The following GLIS2 variants were observed in gnomAD, a reference collection of about 807,000 sequenced individuals.
GLIS2 encodes the protein GLIS family zinc finger 2.
In GLIS2, 14 loss-of-function variants were observed where a neutral mutation model predicts 35.6. The ratio of observed to expected loss-of-function variants is 0.39; its 90% CI spans 0.26 to 0.61. The LOEUF (loss-of-function observed/expected upper bound fraction) is 0.61. Ranked by LOEUF, GLIS2 falls within the 20% of genes least tolerant of loss-of-function variation. GLIS2 has a pLI of 0.48. For synonymous variants in GLIS2, 368 were observed against 325.1 expected (o/e 1.13, Z -1.42); for missense variants, 675 against 713.4 (o/e 0.95, Z 0.61).
intron 1 of GLIS2, among the ~76,000 whole-genome samples, chr16:4,316,979 C>T (rs971830080): frequency 1.3e-5 from 2 of 152,176 alleles, no homozygotes; most frequent in African/African-American, 4.8e-5. Context: ...CACAGCTTCC[C>T]CGCTGGCCCC....
intron 1 of GLIS2, among the ~76,000 whole-genome samples, chr16:4,324,037 A>G (rs1411910785): frequency 6.6e-6 from 1 of 152,166 alleles, no homozygotes; most frequent in East Asian, 1.9e-4. Context: ...TCCCTGGCAC[A>G]TCCCATCTTC....
rs2141120415 is a variant in GLIS2, at chr16:4,320,370, G to A, written c.-67+4116G>A. ...CACCGCTGGCACAGCACGCTCCCAGGGCAGCCTCGCTTGGACCCTGGTAGT... is the reference window on the plus strand; with the variant it reads ...CACCGCTGGCACAGCACGCTCCCAGAGCAGCCTCGCTTGGACCCTGGTAGT... On this transcript the variant is annotated intron_variant, in intron 1 of 6. Transcript: ENST00000433375. The surrounding 1 kb of genome is among the most constrained non-coding windows in gnomAD (Gnocchi z 5.6). 6.6e-6 allele frequency among the ~76,000 whole-genome samples: 1 copy of A among 152,180 alleles called. No homozygotes were observed. Among genetic ancestry groups the A allele is most frequent in the South Asian group, 2.1e-4 (1 of 4,826 alleles).
In GLIS2 at chr16:4,335,431, G is replaced by C. The variant is rs761430917; in HGVS notation, c.775+38G>C. 6.3e-7 allele frequency: 1 copy of C among 1,592,146 alleles called. No individual in the cohort carries two copies. Among genetic ancestry groups the C allele is most frequent in the Non-Finnish European group, 8.6e-7 (1 of 1,161,522 alleles). The stretch of plus-strand genomic sequence containing the variant: ...GGCCGGGCGGCTTGGCCCATGAAGG[G>C]GGCGCTCAGCTGAGACCGGCTGGGC... On this transcript the variant is annotated intron_variant, in intron 6 of 6. Coordinates refer to ENST00000433375, the MANE Select transcript of GLIS2 (RefSeq NM_032575.3). This position sits in a 1 kb window ranked among gnomAD's most constrained non-coding sequence, Gnocchi z 4.6.
chr16:4,333,555 A>C, intron 3 of GLIS2, 36 bp downstream of exon 3: 1 of 1,585,054 alleles, frequency 6.3e-7, no homozygotes, highest in East Asian at 2.3e-5. Flanking sequence ...AGAGGGGTGG[A>C]CTGGTTTCCT....
At chr16:4,336,616 A>G in intron 6 of GLIS2, 109 bp from the exon 7 acceptor site, 1 of 1,113,392 alleles carries the variant, frequency 9.0e-7, no homozygotes, top group Non-Finnish European at 1.3e-6. Flanking sequence ...GAATTGGGGC[A>G]TCTATGTTCC....
At chr16:4,316,346 G>C (rs1324172463) in intron 1 of GLIS2, among the ~76,000 whole-genome samples, 92 bp downstream of exon 1, 1 of 146,792 alleles carries the variant, frequency 6.8e-6, no homozygotes, top group East Asian at 2.0e-4. Context: ...GGGGCCCGAG[G>C]GTCTCCTCCC....
intron 1 of GLIS2, among the ~76,000 whole-genome samples, 45 bp downstream of exon 1, chr16:4,316,299 C>CGGG (rs1293109635): frequency 6.0e-4 from 32 of 53,000 alleles, no homozygotes; most frequent in African/African-American, 1.7e-3. Flanking sequence ...CGGGCCGGGG[C>CGGG]GGGGGGGGGG....
In GLIS2 at chr16:4,332,567, A is replaced by T; in HGVS notation, c.172+115A>T. On this transcript the variant is annotated intron_variant, in intron 2 of 6. Transcript: ENST00000433375. This position sits in a 1 kb window ranked among gnomAD's most constrained non-coding sequence, Gnocchi z 5.4. ...TGCAGCCCCTCTCGGCTTCCGGTTC[A>T]TGGGAAGCCCGCACGCTTGTCCTTC... is the stretch of plus-strand genomic sequence containing the variant. The T allele has an allele frequency of 2.4e-6, 3 of 1,250,338 alleles. No homozygotes were observed. Among genetic ancestry groups the T allele is most frequent in the Non-Finnish European group, 3.4e-6 (3 of 891,170 alleles). The allele number at this position is 1,250,338 out of a possible 1,614,324, so 77.5% of individuals were successfully genotyped here.
At chr16:4,327,440 G>C (rs917973339) in intron 1 of GLIS2, among the ~76,000 whole-genome samples, 1 of 152,206 alleles carries the variant, frequency 6.6e-6, no homozygotes. Context: ...TGTCTTTTCC[G>C]GGCCTTAGTT....
At position 4,316,266 on chromosome 16, in the gene GLIS2, C is replaced by CCCGGGCGTCGCGCCGTGGGGA. The variant is rs2053310018; in HGVS notation, c.-67+19_-67+39dup. 6.9e-6 allele frequency among the ~76,000 whole-genome samples: 1 copy of CCCGGGCGTCGCGCCGTGGGGA among 144,476 alleles called. No individual in the cohort carries two copies. Among genetic ancestry groups the CCCGGGCGTCGCGCCGTGGGGA allele is most frequent in the African/African-American group, 2.5e-5 (1 of 39,276 alleles). 94.8% of individuals were successfully genotyped at this position (144,476 alleles called of 152,430 possible). On this transcript the variant is annotated intron_variant, in intron 1 of 6. Transcript: ENST00000433375. Reference sequence around the variant, plus strand: ...CCCCCGCCGCTGAGGTAGGAAGCCCCCCGGGCGTCGCGCCGTGGGGACCGG... The same window carrying CCCGGGCGTCGCGCCGTGGGGA: ...CCCCCGCCGCTGAGGTAGGAAGCCCCCCGGGCGTCGCGCCGTGGGGACCGGGCGTCGCGCCGTGGGGACCGG...
chr16:4,318,710 C>G (rs1008713998), intron 1 of GLIS2, among the ~76,000 whole-genome samples: 5 of 152,264 alleles, frequency 3.3e-5, no homozygotes, highest in Admixed American at 6.5e-5. Flanking sequence ...CCCTCCTTCC[C>G]GGCCTGGCCT....
intron 1 of GLIS2, among the ~76,000 whole-genome samples, chr16:4,327,164 GCTTACAGGCGTCAGCCAC>G (rs1327846975): frequency 9.2e-5 from 14 of 152,222 alleles, no homozygotes; most frequent in Non-Finnish European, 4.4e-5. Flanking sequence ...AATGTGCTGG[GCTTACAGGCGTCAGCCAC>G]CGCGCCTGGC....
At chr16:4,316,663 C>T (rs1193061597) in intron 1 of GLIS2, among the ~76,000 whole-genome samples, 1 of 152,074 alleles carries the variant, frequency 6.6e-6, no homozygotes, top group African/African-American at 2.4e-5. Flanking sequence ...TCCTCTCGGC[C>T]GCGCCGGGGC....
At position 4,337,579 on chromosome 16, in the gene GLIS2, G is replaced by A. The variant is rs932268300; in HGVS notation, c.*55G>A. The A allele has an allele frequency of 1.3e-5, 20 of 1,535,176 alleles. No homozygotes were observed. Among genetic ancestry groups the A allele is most frequent in the East Asian group, 4.9e-5 (2 of 41,032 alleles). On this transcript the variant is annotated 3_prime_UTR_variant, in exon 7 of 7. Coordinates refer to ENST00000433375, the MANE Select transcript of GLIS2 (RefSeq NM_032575.3). ...CCCGGCAGCTCCCGGCACTGCCCCC[G>A]ACGAACGGAAACTCTTCTGTGAAAT...
chr16:4,333,614 ATG>A (rs1234939644), intron 3 of GLIS2, 95 bp downstream of exon 3: 13 of 1,320,082 alleles, frequency 9.8e-6, no homozygotes, highest in South Asian at 1.4e-5. Flanking sequence ...TAAAAAACAG[ATG>A]TGTTACCCCT....
At chr16:4,315,359 GT>G (rs1170268950), upstream of GLIS2, 1 of 152,218 alleles carries the variant, frequency 6.6e-6, no homozygotes, top group Non-Finnish European at 1.5e-5. Flanking sequence ...CTGCCTGCGC[GT>G]TCCTGGAACT....
rs148770332 is a variant in GLIS2 at position 4,320,611 on chromosome 16, C to A, written c.-67+4357C>A. Among the ~76,000 whole-genome samples, 7 of 152,280 alleles carry A rather than the reference C, an allele frequency of 4.6e-5. No individual in the cohort carries two copies. Among genetic ancestry groups the A allele is most frequent in the African/African-American group, 1.7e-4 (7 of 41,554 alleles). ...AAGGGCATGACGGGGGCCAACGTGT[C>A]TGGAAGAAGCCTCTCCCCTTCCCTG... On this transcript the variant is annotated intron_variant, in intron 1 of 6. Coordinates refer to ENST00000433375, the MANE Select transcript of GLIS2 (RefSeq NM_032575.3). The surrounding 1 kb of genome is among the most constrained non-coding windows in gnomAD (Gnocchi z 5.6).
chr16:4,337,819 C>G lies in GLIS2; in HGVS notation c.*295C>G. On this transcript the variant is annotated 3_prime_UTR_variant, in exon 7 of 7. Transcript: ENST00000433375. ...GAGGCTTTCCCCTGCCCGACCTCCT[C>G]CCGTTTCCCTCTCCCACCCTGGCAC... is the stretch of plus-strand genomic sequence containing the variant. 3.6e-6 allele frequency: 2 copies of G among 556,994 alleles called. No individual in the cohort carries two copies. The highest frequency in any genetic ancestry group is 6.5e-6 in the Non-Finnish European group (2 of 308,624). The allele number at this position is 556,994 out of a possible 1,614,324, so 34.5% of individuals were successfully genotyped here. A position where few individuals can be genotyped will look rare whatever the true frequency, so the allele number is the denominator to read the frequency against.
At chr16:4,334,772 C>T (rs1194987035) in intron 3 of GLIS2, 29 bp from the exon 4 acceptor site, 1 of 1,612,560 alleles carries the variant, frequency 6.2e-7, no homozygotes, top group African/African-American at 1.3e-5. Flanking sequence ...GCCAGCAGGA[C>T]CTTGACTAGC....
Sources: allele counts gnomAD v4.1 joint callset (sites outside exome capture counted in the v4.1 genomes callset), GRCh38; gene constraint gnomAD v4.1.1; non-coding constraint Gnocchi (gnomAD v3.1); transcripts MANE v1.5; gene names NCBI Gene and HGNC (gene_info 2026-07-23, HGNC 2026-07-21).